CDH12: variants seen among roughly 807,000 people sequenced by gnomAD.
CDH12 encodes the protein cadherin-12.
A neutral mutation model predicts 74.1 loss-of-function variants in CDH12; 41 were observed. The ratio of observed to expected loss-of-function variants is 0.55; its 90% CI spans 0.43 to 0.72. The LOEUF (loss-of-function observed/expected upper bound fraction) is 0.72, where lower values mean the gene tolerates loss of function less well. Ranked by LOEUF, CDH12 falls within the 30% of genes least tolerant of loss-of-function variation. The pLI is 0.00. For missense variants in CDH12, 945 were observed against 977.2 expected (o/e 0.97, Z 0.44); for synonymous variants, 399 against 355.0 (o/e 1.12, Z -1.39).
At chr5:22,123,255 T>C (rs1261026929) in intron 4 of CDH12, among the ~76,000 whole-genome samples, 1 of 152,180 alleles carries the variant, frequency 6.6e-6, no homozygotes, top group Non-Finnish European at 1.5e-5. Flanking sequence ...CAGTCATCTA[T>C]GAACAAAGAA....
chr5:22,356,746 C>T (rs1369046379), intron 3 of CDH12, among the ~76,000 whole-genome samples: 2 of 152,022 alleles, frequency 1.3e-5, no homozygotes, highest in Non-Finnish European at 2.9e-5. Context: ...AATTTCAATC[C>T]TATTTTGATT....
chr5:22,058,936 A>G (rs1288771307), intron 5 of CDH12, among the ~76,000 whole-genome samples: 2 of 152,188 alleles, frequency 1.3e-5, no homozygotes, highest in Non-Finnish European at 2.9e-5. Context: ...CCTTAAATAA[A>G]AGAATGCCTC....
intron 13 of CDH12, 23 bp from the exon 14 acceptor site, chr5:21,755,865 T>C: frequency 3.1e-6 from 5 of 1,612,468 alleles, no homozygotes; most frequent in Non-Finnish European, 4.2e-6. Flanking sequence ...ACATTTATGG[T>C]AACATGGTTA....
At chr5:22,026,342 T>C (rs1021979279) in intron 5 of CDH12, among the ~76,000 whole-genome samples, 1 of 152,094 alleles carries the variant, frequency 6.6e-6, no homozygotes, top group African/African-American at 2.4e-5. Context: ...CAGATGAGAA[T>C]GTAACAAAAA....
intron 10 of CDH12, 75 bp downstream of exon 10, chr5:21,802,092 A>T: frequency 4.5e-6 from 6 of 1,332,342 alleles, no homozygotes; most frequent in Non-Finnish European, 6.2e-6. Flanking sequence ...TGGACAGAGA[A>T]TTGGTTCTCT....
chr5:22,332,105 A>C (rs1048461551), intron 3 of CDH12, among the ~76,000 whole-genome samples: 9 of 152,210 alleles, frequency 5.9e-5, no homozygotes, highest in African/African-American at 2.2e-4. Flanking sequence ...TCAAAAGATA[A>C]TAACGGAGAA....
intron 1 of CDH12, among the ~76,000 whole-genome samples, chr5:22,709,447 G>T (rs1743185468): frequency 6.6e-6 from 1 of 152,042 alleles, no homozygotes; most frequent in Admixed American, 6.6e-5. Context: ...CAGCAATTTT[G>T]CAATCAAACA....
rs755047544 is a variant in CDH12 at position 21,975,297 on chromosome 5, G to C, written c.320C>G (p.Thr107Ser). The C allele has an allele frequency of 2.5e-6, 4 of 1,596,988 alleles. No homozygotes were observed. The highest frequency in any genetic ancestry group is 1.7e-5 in the Admixed American group (1 of 59,974). Residue 107 changes from threonine to serine, a missense_variant, in exon 6 of 15, where the codon ACC (threonine) becomes AGC (serine). Physicochemically the swap from Thr to Ser is moderately conservative, Grantham distance 58. Around this residue, in one of 3 missense-constraint regions of CDH12, gnomAD observed 148 missense variants for 162.8 expected, o/e 0.91. Transcript: ENST00000382254. ...GAGTVFTIDE[T>S]TGDIHAIRSL... is the part of the protein sequence containing the mutation. ...CCTTATTGCATGAATGTCCCCTGTG[G>C]TTTCATCAATGGTAAAAACGGTGCC...
chr5:22,427,577 A>G lies in CDH12; in HGVS notation c.-427-22226T>C, dbSNP rs1050171275. Reference sequence around the variant, plus strand: ...TTTTCTTTGTCTTTACTCTATTTCTATAGTAAGTTCCTGCAAGACATCCAG... The same window carrying G: ...TTTTCTTTGTCTTTACTCTATTTCTGTAGTAAGTTCCTGCAAGACATCCAG... On this transcript the variant is annotated intron_variant, in intron 2 of 14. Transcript: ENST00000382254. Among the ~76,000 whole-genome samples, 6 of 152,170 alleles carry G rather than the reference A, an allele frequency of 3.9e-5. No homozygotes were observed. The East Asian group carries it at 1.2e-3, about 29-fold the overall frequency.
chr5:22,335,058 C>A, intron 3 of CDH12, among the ~76,000 whole-genome samples: 1 of 152,056 alleles, frequency 6.6e-6, no homozygotes, highest in East Asian at 1.9e-4. Context: ...AGTGAAGAGA[C>A]AACCCACAGA....
chr5:22,461,744 T>A (rs1382036197), intron 2 of CDH12, among the ~76,000 whole-genome samples: 1 of 151,850 alleles, frequency 6.6e-6, no homozygotes, highest in Non-Finnish European at 1.5e-5. Context: ...TTTCATATTA[T>A]TTATTTATAT....
At chr5:22,078,083 G>T (rs1295354720) in intron 5 of CDH12, among the ~76,000 whole-genome samples, 1 of 151,908 alleles carries the variant, frequency 6.6e-6, no homozygotes, top group Non-Finnish European at 1.5e-5. Context: ...TCTCCAATTT[G>T]GCTGTGAGCA....
In CDH12 at chr5:22,683,162, T is replaced by C. The variant is rs906120915; in HGVS notation, c.-523+169896A>G. Among the ~76,000 whole-genome samples, 13 of 152,214 alleles carry C rather than the reference T, an allele frequency of 8.5e-5. No individual in the cohort carries two copies. In the East Asian group the frequency reaches 2.5e-3, roughly 29 times the overall value. The stretch of plus-strand genomic sequence containing the variant: ...AAATTAAACCTCTACTAATGTATTA[T>C]AATTATTACTTGAGGGTAATTTGCT... On this transcript the variant is annotated intron_variant, in intron 1 of 14. Coordinates refer to ENST00000382254, the MANE Select transcript of CDH12 (RefSeq NM_004061.5).
intron 6 of CDH12, among the ~76,000 whole-genome samples, chr5:21,881,472 C>T (rs1034607143): frequency 6.6e-6 from 1 of 152,104 alleles, no homozygotes; most frequent in Admixed American, 6.5e-5. Context: ...CAGTTGACAC[C>T]AAAGCCATTG....
chr5:22,714,158 CT>C (rs1743444391), intron 1 of CDH12, among the ~76,000 whole-genome samples: 1 of 152,184 alleles, frequency 6.6e-6, no homozygotes, highest in Non-Finnish European at 1.5e-5. Flanking sequence ...AGCAAAATTG[CT>C]TCTCCTCTTG....
intron 2 of CDH12, among the ~76,000 whole-genome samples, chr5:22,419,217 G>A (rs1195300539): frequency 2.6e-5 from 4 of 152,142 alleles, no homozygotes; most frequent in African/African-American, 7.2e-5. Context: ...AAACACGGGT[G>A]TGCTTTGGTG....
chr5:22,276,821 G>A (rs771922146), intron 3 of CDH12, among the ~76,000 whole-genome samples: 7 of 152,002 alleles, frequency 4.6e-5, no homozygotes, highest in African/African-American at 1.7e-4. Flanking sequence ...CGAGTAGCTG[G>A]GATTACAGGT....
chr5:22,033,824 A>T (rs1738991278), intron 5 of CDH12, among the ~76,000 whole-genome samples: 1 of 152,152 alleles, frequency 6.6e-6, no homozygotes, highest in South Asian at 2.1e-4. Flanking sequence ...AGTCATGCCC[A>T]GGCCACTCTT....
intron 4 of CDH12, among the ~76,000 whole-genome samples, chr5:22,114,077 C>T (rs529671543): frequency 1.1e-4 from 17 of 152,198 alleles, no homozygotes; most frequent in African/African-American, 4.1e-4. Context: ...GTGACCCAGC[C>T]CCAGTGTTTT....
Sources: gnomAD v4.1 joint callset for allele counts (sites outside exome capture counted in the v4.1 genomes callset) on GRCh38, gnomAD v4.1.1 for gene constraint, gnomAD v4.1.1 regional missense constraint, MANE v1.5 for transcripts, NCBI Gene and HGNC (gene_info 2026-07-23, HGNC 2026-07-21) for gene names.